Variants in KCNIP4 observed in about 807,000 individuals in gnomAD.
KCNIP4 encodes the protein potassium voltage-gated channel interacting protein 4, also known as Kv channel-interacting protein 4.
In KCNIP4, 12 loss-of-function variants were observed where a neutral mutation model predicts 34.0. The observed-to-expected ratio is 0.35, with a 90% CI of 0.23 to 0.57. The LOEUF is 0.57. KCNIP4 is among the 20% of genes least tolerant of loss of function. The probability of loss-of-function intolerance (pLI) is 0.83; values close to 1 mark genes in which losing one functional copy is unlikely to be tolerated. For synonymous variants in KCNIP4, 124 were observed against 102.2 expected (o/e 1.21, Z -1.29); for missense variants, 238 against 311.7 (o/e 0.76, Z 1.78).
chr4:21,859,776 C>T (rs1490162742), intron 1 of KCNIP4, among the ~76,000 whole-genome samples: 1 of 152,116 alleles, frequency 6.6e-6, no homozygotes, highest in Non-Finnish European at 1.5e-5. Flanking sequence ...TGCCTGTAAT[C>T]CCAGCACTTT....
chr4:21,507,918 G>A (rs1478943067), intron 1 of KCNIP4, among the ~76,000 whole-genome samples: 1 of 152,142 alleles, frequency 6.6e-6, no homozygotes, highest in Admixed American at 6.5e-5. Flanking sequence ...TAAAATTTCT[G>A]CAATTCCTGT....
At chr4:20,827,396 C>T (rs548268395) in intron 3 of KCNIP4, among the ~76,000 whole-genome samples, 8 of 152,126 alleles carry the variant, frequency 5.3e-5, no homozygotes, top group Non-Finnish European at 1.2e-4. Flanking sequence ...TGGGAATGCA[C>T]GTCTCTCTGG....
At chr4:21,067,584 A>G (rs1267284168) in intron 1 of KCNIP4, among the ~76,000 whole-genome samples, 1 of 152,120 alleles carries the variant, frequency 6.6e-6, no homozygotes, top group Non-Finnish European at 1.5e-5. Flanking sequence ...GGAAGGACAT[A>G]AGCCTGGATA....
At chr4:21,489,468 A>ATGT (rs1291407371) in intron 1 of KCNIP4, among the ~76,000 whole-genome samples, 2 of 152,062 alleles carry the variant, frequency 1.3e-5, no homozygotes, top group African/African-American at 4.8e-5. Context: ...ACTGTTTAAA[A>ATGT]CCTATGATGA....
At chr4:20,970,063 T>A (rs1198044438) in intron 1 of KCNIP4, among the ~76,000 whole-genome samples, 1 of 151,798 alleles carries the variant, frequency 6.6e-6, no homozygotes, top group Non-Finnish European at 1.5e-5. Context: ...TGCCTCAGCC[T>A]CCCAAGTAGC....
Position 21,488,192 on chromosome 4 carries a change from T to C in KCNIP4, c.61+460379A>G, listed in dbSNP as rs1277690357. 3.9e-5 allele frequency among the ~76,000 whole-genome samples: 6 copies of C among 152,174 alleles called. No individual in the cohort carries two copies. The South Asian group carries it at 1.2e-3, about 32-fold the overall frequency. On this transcript the variant is annotated intron_variant, in intron 1 of 8. Coordinates refer to ENST00000382152, the MANE Select transcript of KCNIP4 (RefSeq NM_025221.6). ...TAAGCAAAACATGAATTCATACTGA[T>C]ATATCTGACTCTAATCCATTACCAC...
At chr4:21,516,399 A>T (rs143002517) in intron 1 of KCNIP4, among the ~76,000 whole-genome samples, 1 of 152,198 alleles carries the variant, frequency 6.6e-6, no homozygotes, top group Non-Finnish European at 1.5e-5. Context: ...CTACCACAAC[A>T]ATCACCCTTT....
intron 1 of KCNIP4, among the ~76,000 whole-genome samples, chr4:21,754,872 G>A (rs1717398282): frequency 1.3e-5 from 2 of 152,138 alleles, no homozygotes; most frequent in African/African-American, 2.4e-5. Flanking sequence ...TTTGGGCCGG[G>A]CACAGTGGCT....
chr4:21,840,451 G>C (rs1401899434), intron 1 of KCNIP4, among the ~76,000 whole-genome samples: 1 of 152,176 alleles, frequency 6.6e-6, no homozygotes, highest in African/African-American at 2.4e-5. Flanking sequence ...TTGAGGAAGA[G>C]GCAATGTTGA....
chr4:20,853,713 C>G (rs1056649158), intron 2 of KCNIP4, among the ~76,000 whole-genome samples: 2 of 152,002 alleles, frequency 1.3e-5, no homozygotes, highest in African/African-American at 4.8e-5. Context: ...AAACAGACAA[C>G]CCACAGAGTG....
chr4:21,469,377 C>T (rs1212307801), intron 1 of KCNIP4, among the ~76,000 whole-genome samples: 4 of 152,128 alleles, frequency 2.6e-5, no homozygotes, highest in Non-Finnish European at 5.9e-5. Flanking sequence ...AACCAATCCT[C>T]CCTTTTTAAA....
chr4:20,880,479 AT>A (rs1309769693), intron 2 of KCNIP4, among the ~76,000 whole-genome samples: 3 of 151,680 alleles, frequency 2.0e-5, no homozygotes, highest in Non-Finnish European at 2.9e-5. Context: ...AGTATTTTCT[AT>A]TTTTTTTCCT....
At chr4:21,840,984 C>G in intron 1 of KCNIP4, among the ~76,000 whole-genome samples, 1 of 152,162 alleles carries the variant, frequency 6.6e-6, no homozygotes, top group East Asian at 1.9e-4. Context: ...CCTAACAGAG[C>G]TCCATCTGCT....
intron 1 of KCNIP4, among the ~76,000 whole-genome samples, chr4:20,942,551 A>G (rs1731748084): frequency 1.3e-5 from 2 of 152,220 alleles, no homozygotes; most frequent in Non-Finnish European, 2.9e-5. Flanking sequence ...ACGTAGGGCC[A>G]TTATTATCCA....
At chr4:20,935,389 G>A (rs1730960599) in intron 1 of KCNIP4, among the ~76,000 whole-genome samples, 1 of 152,130 alleles carries the variant, frequency 6.6e-6, no homozygotes, top group African/African-American at 2.4e-5. Flanking sequence ...GCCAAATGCT[G>A]TTCCTTGGCT....
chr4:21,559,256 T>C (rs1739321954), intron 1 of KCNIP4, among the ~76,000 whole-genome samples: 1 of 152,144 alleles, frequency 6.6e-6, no homozygotes, highest in Non-Finnish European at 1.5e-5. Flanking sequence ...ATCACCTCTC[T>C]GTCGGGCTAG....
At chr4:21,730,345 T>A (rs1394931919) in intron 1 of KCNIP4, among the ~76,000 whole-genome samples, 1 of 152,178 alleles carries the variant, frequency 6.6e-6, no homozygotes, top group Non-Finnish European at 1.5e-5. Flanking sequence ...ACCTCCTTTT[T>A]CTAGACTCTG....
intron 1 of KCNIP4, among the ~76,000 whole-genome samples, chr4:20,938,524 G>T (rs539611474): frequency 1.3e-5 from 2 of 152,160 alleles, no homozygotes; most frequent in East Asian, 1.9e-4. Context: ...TTAAGAGCAG[G>T]TATTTCCAGT....
intron 1 of KCNIP4, among the ~76,000 whole-genome samples, chr4:21,741,360 T>A (rs374420077): frequency 6.6e-6 from 1 of 152,162 alleles, no homozygotes; most frequent in Non-Finnish European, 1.5e-5. Flanking sequence ...ACTAACAGAA[T>A]GGACGTTCTC....
Sources: allele counts gnomAD v4.1 joint callset (sites outside exome capture counted in the v4.1 genomes callset), GRCh38; gene constraint gnomAD v4.1.1; transcripts MANE v1.5; gene names NCBI Gene and HGNC (gene_info 2026-07-23, HGNC 2026-07-21).